The following SULT1E1 variants were observed in gnomAD, a reference collection of about 807,000 sequenced individuals.
SULT1E1 encodes the protein sulfotransferase 1E1.
Under a neutral mutation model 33.6 loss-of-function variants are expected in SULT1E1, and 36 were observed. That is an observed-to-expected ratio of 1.07 (90% CI 0.82 to 1.41). SULT1E1 has a LOEUF of 1.41. Among genes scored for constraint, SULT1E1 ranks in the 40% most tolerant of loss-of-function variants. SULT1E1 has a pLI of 0.00. For synonymous variants in SULT1E1, 121 were observed against 111.7 expected, an observed-to-expected ratio of 1.08 and a Z score of -0.53; for missense variants, 371 against 345.7, an observed-to-expected ratio of 1.07 and a Z score of -0.58.
At chr4:69,834,369 T>G in the SULT1E1 span, among the ~76,000 whole-genome samples, 3 of 152,182 alleles carry the variant, frequency 2.0e-5, no homozygotes, top group Non-Finnish European at 4.4e-5. Context: ...TCAATGACAG[T>G]CAGGCAATAT....
downstream of SULT1E1, among the ~76,000 whole-genome samples, chr4:69,837,347 A>T (rs1202913026): frequency 6.6e-6 from 1 of 152,050 alleles, no homozygotes; most frequent in Non-Finnish European, 1.5e-5. Flanking sequence ...CATAGCAATG[A>T]TCAATAAAAT....
At chr4:69,851,579 A>G (rs892588658) in intron 4 of SULT1E1, among the ~76,000 whole-genome samples, 1 of 152,178 alleles carries the variant, frequency 6.6e-6, no homozygotes, top group Non-Finnish European at 1.5e-5. Context: ...TCCCTCAGGG[A>G]TCTAGAACTA....
At chr4:69,825,553 G>C in the SULT1E1 span, among the ~76,000 whole-genome samples, 1 of 152,176 alleles carries the variant, frequency 6.6e-6, no homozygotes, top group South Asian at 2.1e-4. Context: ...CTGGACTAAA[G>C]ACACGGGTGT....
intron 2 of SULT1E1, among the ~76,000 whole-genome samples, chr4:69,856,539 T>G (rs775538525): frequency 6.6e-6 from 1 of 152,122 alleles, no homozygotes; most frequent in African/African-American, 2.4e-5. Context: ...GCAAGAGAGA[T>G]TGAATCTAGA....
At chr4:69,848,049 C>T (rs11573780) in intron 5 of SULT1E1, among the ~76,000 whole-genome samples, 3,000 of 150,904 alleles carry the variant, frequency 0.02, 32 homozygotes, top group Non-Finnish European at 0.028. Context: ...GTTCTCTCAT[C>T]AATTTGATTT....
chr4:69,848,557 T>C (rs1407555065), intron 5 of SULT1E1, among the ~76,000 whole-genome samples: 1 of 151,940 alleles, frequency 6.6e-6, no homozygotes, highest in Non-Finnish European at 1.5e-5. Context: ...AAATTTATAG[T>C]GATCTTATTT....
intron 5 of SULT1E1, 84 bp downstream of exon 5, chr4:69,849,353 G>A: frequency 6.6e-7 from 1 of 1,503,896 alleles, no homozygotes; most frequent in South Asian, 1.2e-5. Context: ...AAACGTACCA[G>A]AACAGTTAAA....
intron 4 of SULT1E1, among the ~76,000 whole-genome samples, chr4:69,851,530 T>C (rs561611085): frequency 7.2e-5 from 11 of 152,226 alleles, no homozygotes; most frequent in Non-Finnish European, 1.2e-4. Flanking sequence ...TTGATGGGAC[T>C]GTAAACTAGT....
chr4:69,833,824 C>T, the SULT1E1 span, among the ~76,000 whole-genome samples: 1 of 152,152 alleles, frequency 6.6e-6, no homozygotes, highest in African/African-American at 2.4e-5. Flanking sequence ...ATTCTTCTCC[C>T]ACCATCTCAC....
rs11573801 is a variant in SULT1E1, at chr4:69,841,273, A to G, written c.*721T>C. The G allele has an allele frequency of 2.2e-3, 341 of 152,330 alleles. 2 individuals carry two copies. Among genetic ancestry groups the G allele is most frequent in the African/African-American group, 7.9e-3 (328 of 41,578 alleles). 9.4% of individuals were successfully genotyped at this position (152,330 alleles called of 1,614,324 possible). A position where few individuals can be genotyped will look rare whatever the true frequency, so the allele number is the denominator to read the frequency against. On this transcript the variant is annotated 3_prime_UTR_variant, in exon 8 of 8. Transcript: ENST00000226444. ...AACAAGATGAATAATCTGTGTTACTACATCATTCCCATAGGTTATAGTTGT... is the reference window on the plus strand; with the variant it reads ...AACAAGATGAATAATCTGTGTTACTGCATCATTCCCATAGGTTATAGTTGT...
chr4:69,840,517 GTT>G (rs762602172), downstream of SULT1E1, among the ~76,000 whole-genome samples: 14 of 152,184 alleles, frequency 9.2e-5, no homozygotes, highest in Non-Finnish European at 2.1e-4. Context: ...TTTTTCTTCT[GTT>G]TTTGTTATAT....
intron 7 of SULT1E1, among the ~76,000 whole-genome samples, chr4:69,843,514 T>C (rs1325775756): frequency 1.3e-5 from 2 of 152,190 alleles, no homozygotes; most frequent in African/African-American, 4.8e-5. Flanking sequence ...AAGATTTGAT[T>C]CTATTCTGTT....
chr4:69,829,080 G>GA, the SULT1E1 span, among the ~76,000 whole-genome samples: 3 of 152,170 alleles, frequency 2.0e-5, no homozygotes, highest in Non-Finnish European at 2.9e-5. Context: ...GCTGGAGGCA[G>GA]AAAAATGCAT....
the SULT1E1 span, among the ~76,000 whole-genome samples, chr4:69,823,710 G>A: frequency 2.6e-5 from 4 of 152,124 alleles, no homozygotes; most frequent in Non-Finnish European, 4.4e-5. Context: ...AGCATATTTA[G>A]AGTCTGTGTA....
At chr4:69,845,452 TA>T (rs1473169015) in intron 6 of SULT1E1, among the ~76,000 whole-genome samples, 1 of 151,038 alleles carries the variant, frequency 6.6e-6, no homozygotes, top group Non-Finnish European at 1.5e-5. Flanking sequence ...AAATTGAAAT[TA>T]AAAAAAGATG....
chr4:69,824,824 A>G, the SULT1E1 span, among the ~76,000 whole-genome samples: 5 of 152,178 alleles, frequency 3.3e-5, no homozygotes, highest in Non-Finnish European at 7.3e-5. Context: ...GGACGTGGGC[A>G]GGGCCAAATA....
chr4:69,840,040 C>T (rs1343342799), downstream of SULT1E1, among the ~76,000 whole-genome samples: 2 of 152,102 alleles, frequency 1.3e-5, no homozygotes, highest in Non-Finnish European at 2.9e-5. Context: ...AGTTATTGGA[C>T]ATTATAATGT....
chr4:69,824,815 G>A, the SULT1E1 span, among the ~76,000 whole-genome samples: 23 of 152,256 alleles, frequency 1.5e-4, no homozygotes, highest in African/African-American at 4.6e-4. Flanking sequence ...CAATGAACAG[G>A]ACGTGGGCAG....
intron 2 of SULT1E1, 88 bp downstream of exon 2, chr4:69,857,412 G>A: frequency 2.1e-6 from 3 of 1,436,684 alleles, no homozygotes; most frequent in Non-Finnish European, 2.8e-6. Flanking sequence ...TATAGAGAAT[G>A]AGTGTGTACG....
Sources: allele counts gnomAD v4.1 joint callset (sites outside exome capture counted in the v4.1 genomes callset), GRCh38; gene constraint gnomAD v4.1.1; transcripts MANE v1.5; gene names NCBI Gene and HGNC (gene_info 2026-07-23, HGNC 2026-07-21).